KCNT2: variants seen among roughly 807,000 people sequenced by gnomAD.
The protein encoded by KCNT2 is potassium sodium-activated channel subfamily T member 2, also known as potassium channel subfamily T member 2.
KCNT2 carries 67 observed loss-of-function variants against 153.8 expected under a neutral mutation model. That is an observed-to-expected ratio of 0.44 (90% CI 0.36 to 0.53). The LOEUF (loss-of-function observed/expected upper bound fraction) is 0.53. Among genes scored for constraint, KCNT2 ranks in the 20% least tolerant of loss-of-function variants. The pLI, the probability that KCNT2 is intolerant of heterozygous loss-of-function variation, is 0.00. For synonymous variants in KCNT2, 500 were observed against 458.8 expected, an observed-to-expected ratio of 1.09 and a Z score of -1.15; for missense variants, 975 against 1,354.8, an observed-to-expected ratio of 0.72 and a Z score of 4.40.
At position 196,333,590 on chromosome 1, in the gene KCNT2, A is replaced by G. The variant is rs185409809; in HGVS notation, c.1997+257T>C. On this transcript the variant is annotated intron_variant, in intron 17 of 27. Transcript: ENST00000294725. ...AACACTGATTTTTTTTTCCTTGAGGATAAAAGATAATTAAGAGCAAAATGA... is the reference window on the plus strand; with the variant it reads ...AACACTGATTTTTTTTTCCTTGAGGGTAAAAGATAATTAAGAGCAAAATGA... 1.2e-3 allele frequency among the ~76,000 whole-genome samples: 179 copies of G among 152,194 alleles called. 1 individual carries two copies. The highest frequency in any genetic ancestry group is 4.2e-3 in the African/African-American group (173 of 41,542).
intron 11 of KCNT2, among the ~76,000 whole-genome samples, chr1:196,423,949 T>C (rs1673430186): frequency 1.3e-5 from 2 of 151,910 alleles, no homozygotes; most frequent in South Asian, 4.1e-4. Flanking sequence ...GCTCTATGCA[T>C]GAGGAATTGC....
chr1:196,284,322 A>C (rs1264533163), intron 23 of KCNT2, among the ~76,000 whole-genome samples: 1 of 128,592 alleles, frequency 7.8e-6, no homozygotes, highest in African/African-American at 2.7e-5. Flanking sequence ...AAAATCATGC[A>C]ATTTCCTGTA....
At position 196,361,919 on chromosome 1, in the gene KCNT2, G is replaced by GTA. The variant is rs1553300631; in HGVS notation, c.1403+11220_1403+11221insTA. Among the ~76,000 whole-genome samples, 11 of 151,694 alleles carry GTA rather than the reference G, an allele frequency of 7.3e-5. No individual in the cohort carries two copies. In the South Asian group the frequency reaches 1.9e-3, roughly 26 times the overall value. Reference sequence around the variant, plus strand: ...TGTGTGTGTTTGTGAGTGTGAGTGTGTGTGTGTGTGTGTTTCACTCTAAAG... The same window carrying GTA: ...TGTGTGTGTTTGTGAGTGTGAGTGTGTATGTGTGTGTGTGTTTCACTCTAAAG... On this transcript the variant is annotated intron_variant, in intron 14 of 27. Coordinates refer to ENST00000294725, the MANE Select transcript of KCNT2 (RefSeq NM_198503.5).
chr1:196,389,205 C>T (rs1253819348), intron 13 of KCNT2, among the ~76,000 whole-genome samples: 1 of 151,704 alleles, frequency 6.6e-6, no homozygotes, highest in Admixed American at 6.6e-5. Flanking sequence ...ACAGTATGTT[C>T]TTTCTGTATA....
At chr1:196,604,417 A>G (rs1665091309) in intron 1 of KCNT2, among the ~76,000 whole-genome samples, 1 of 152,240 alleles carries the variant, frequency 6.6e-6, no homozygotes, top group African/African-American at 2.4e-5. Context: ...GACATATCAT[A>G]CAAACCACTT....
intron 21 of KCNT2, among the ~76,000 whole-genome samples, chr1:196,315,392 A>C (rs909326880): frequency 4.0e-5 from 6 of 151,664 alleles, no homozygotes; most frequent in Admixed American, 1.3e-4. Context: ...CCATTAAATT[A>C]AATTCAATTA....
chr1:196,418,961 G>A (rs1239836237), intron 12 of KCNT2, among the ~76,000 whole-genome samples: 1 of 151,886 alleles, frequency 6.6e-6, no homozygotes, highest in Admixed American at 6.6e-5. Context: ...CCTCACAATG[G>A]TCTGACTGCT....
chr1:196,412,076 G>A (rs1270542713), intron 12 of KCNT2, among the ~76,000 whole-genome samples: 2 of 151,838 alleles, frequency 1.3e-5, no homozygotes, highest in African/African-American at 2.4e-5. Context: ...TTGTGCTGAT[G>A]TGTTCTATAA....
chr1:196,328,776 A>G (rs1664146334), intron 18 of KCNT2, among the ~76,000 whole-genome samples: 1 of 152,120 alleles, frequency 6.6e-6, no homozygotes, highest in Non-Finnish European at 1.5e-5. Context: ...CAGAATTTCT[A>G]AAGGTGGTAA....
At chr1:196,504,771 G>C (rs1373007786) in intron 1 of KCNT2, among the ~76,000 whole-genome samples, 3 of 152,138 alleles carry the variant, frequency 2.0e-5, no homozygotes, top group African/African-American at 7.2e-5. Context: ...TTTAACGATT[G>C]CCATTCTAAC....
intron 1 of KCNT2, among the ~76,000 whole-genome samples, chr1:196,550,478 TG>T (rs2148895880): frequency 6.6e-6 from 1 of 152,068 alleles, no homozygotes; most frequent in East Asian, 1.9e-4. Flanking sequence ...TAATATCTGT[TG>T]TATATGCTAT....
At chr1:196,445,733 T>C (rs781366954) in intron 8 of KCNT2, among the ~76,000 whole-genome samples, 1 of 151,412 alleles carries the variant, frequency 6.6e-6, no homozygotes, top group Admixed American at 6.6e-5. Flanking sequence ...GACTATAATA[T>C]TCATAGATAA....
intron 1 of KCNT2, among the ~76,000 whole-genome samples, chr1:196,497,368 C>T (rs1680337099): frequency 6.6e-6 from 1 of 151,994 alleles, no homozygotes; most frequent in South Asian, 2.1e-4. Context: ...CCTAATTTTC[C>T]TAATGATACA....
intron 25 of KCNT2, among the ~76,000 whole-genome samples, chr1:196,266,480 A>G (rs1426017533): frequency 2.0e-5 from 3 of 152,226 alleles, no homozygotes; most frequent in Admixed American, 1.3e-4. Flanking sequence ...AAAATATCCC[A>G]TAGTAGACAT....
At chr1:196,270,112 T>C (rs1657928713) in intron 25 of KCNT2, among the ~76,000 whole-genome samples, 1 of 152,054 alleles carries the variant, frequency 6.6e-6, no homozygotes, top group Non-Finnish European at 1.5e-5. Flanking sequence ...TGCTTTTCTT[T>C]TAAAAGTTAA....
At position 196,477,817 on chromosome 1, in the gene KCNT2, C is replaced by T. The variant is rs376641131; in HGVS notation, c.384+1362G>A. Among the ~76,000 whole-genome samples the T allele has an allele frequency of 1.2e-4, 18 of 152,290 alleles. No individual in the cohort carries two copies. The East Asian group carries it at 2.9e-3, about 24-fold the overall frequency. ...ATTTAAGCATCTCCATCAACATAAG[C>T]CTTAGTTTCCACCCTGGTGATTAAC... is the stretch of plus-strand genomic sequence containing the variant. On this transcript the variant is annotated intron_variant, in intron 5 of 27. Coordinates refer to ENST00000294725, the MANE Select transcript of KCNT2 (RefSeq NM_198503.5).
chr1:196,348,161 AG>A (rs1666297549), intron 14 of KCNT2, among the ~76,000 whole-genome samples: 1 of 152,030 alleles, frequency 6.6e-6, no homozygotes, highest in Non-Finnish European at 1.5e-5. Flanking sequence ...AATAATGTTT[AG>A]GTCTAATGAA....
At chr1:196,357,445 T>C (rs1667264077) in intron 14 of KCNT2, among the ~76,000 whole-genome samples, 1 of 152,020 alleles carries the variant, frequency 6.6e-6, no homozygotes, top group Admixed American at 6.6e-5. Context: ...ACAGATGCAT[T>C]CCATTTGATA....
chr1:196,587,901 C>T (rs1662881946), intron 1 of KCNT2, among the ~76,000 whole-genome samples: 1 of 152,012 alleles, frequency 6.6e-6, no homozygotes, highest in African/African-American at 2.4e-5. Flanking sequence ...CTCCACTGCT[C>T]CCAAATATCT....
Sources: gnomAD v4.1 joint callset for allele counts (sites outside exome capture counted in the v4.1 genomes callset) on GRCh38, gnomAD v4.1.1 for gene constraint, MANE v1.5 for transcripts, NCBI Gene and HGNC (gene_info 2026-07-23, HGNC 2026-07-21) for gene names.